CAMSAP2: variants seen among roughly 807,000 people sequenced by gnomAD.
CAMSAP2 encodes calmodulin regulated spectrin associated protein family member 2.
In CAMSAP2, 26 loss-of-function variants were observed where a neutral mutation model predicts 146.1. The observed-to-expected ratio is 0.18, with a 90% CI of 0.13 to 0.25. The LOEUF (loss-of-function observed/expected upper bound fraction) is 0.25, where lower values mean the gene tolerates loss of function less well. Among genes scored for constraint, CAMSAP2 ranks in the 10% least tolerant of loss-of-function variants. CAMSAP2 has a pLI of 1.00. For synonymous variants in CAMSAP2, 499 were observed against 596.6 expected, an observed-to-expected ratio of 0.84 and a Z score of 2.38; for missense variants, 1,381 against 1,759.3, an observed-to-expected ratio of 0.78 and a Z score of 3.85.
chr1:200,821,704 C>G (rs762518635), intron 4 of CAMSAP2, among the ~76,000 whole-genome samples: 3 of 152,144 alleles, frequency 2.0e-5, no homozygotes, highest in Non-Finnish European at 4.4e-5. Flanking sequence ...TTTTCTCTTT[C>G]ATAATAATTT....
chr1:200,811,754 T>C (rs1666337961), intron 3 of CAMSAP2, among the ~76,000 whole-genome samples: 1 of 152,188 alleles, frequency 6.6e-6, no homozygotes, highest in South Asian at 2.1e-4. Context: ...TCAAAACTCT[T>C]CAGTGACTTC....
intron 2 of CAMSAP2, among the ~76,000 whole-genome samples, chr1:200,763,854 T>TCA (rs1191593779): frequency 1.3e-4 from 20 of 152,044 alleles, no homozygotes; most frequent in Non-Finnish European, 1.9e-4. Flanking sequence ...GGAGGGTGGA[T>TCA]CATGAGGCTA....
At chr1:200,746,281 A>G (rs1664319729) in intron 1 of CAMSAP2, among the ~76,000 whole-genome samples, 1 of 152,238 alleles carries the variant, frequency 6.6e-6, no homozygotes, top group Non-Finnish European at 1.5e-5. Context: ...AGATGATGGC[A>G]TCTTGAATGT....
intron 6 of CAMSAP2, among the ~76,000 whole-genome samples, chr1:200,834,286 C>G (rs962079339): frequency 6.6e-6 from 1 of 151,918 alleles, no homozygotes; most frequent in Non-Finnish European, 1.5e-5. Flanking sequence ...TCACTTGAAC[C>G]TGGGAGGCAG....
intron 2 of CAMSAP2, among the ~76,000 whole-genome samples, chr1:200,769,151 G>A (rs1330893267): frequency 6.6e-6 from 1 of 152,076 alleles, no homozygotes; most frequent in Non-Finnish European, 1.5e-5. Context: ...TGAGAGCCTC[G>A]GGGTCTAGAT....
rs558016401 is a variant in CAMSAP2, at chr1:200,754,315, G to T, written c.140-6524G>T. On this transcript the variant is annotated intron_variant, in intron 1 of 16. Coordinates refer to ENST00000358823, the MANE Select transcript of CAMSAP2 (RefSeq NM_203459.4). Reference sequence around the variant, plus strand: ...TAAATCATATCAGGGGACACATAATGTTTGTTCCAGTATAGGTGATGTTAA... The same window carrying T: ...TAAATCATATCAGGGGACACATAATTTTTGTTCCAGTATAGGTGATGTTAA... 5.5e-4 allele frequency among the ~76,000 whole-genome samples: 84 copies of T among 152,252 alleles called. No homozygotes were observed. In the Middle Eastern group the frequency reaches 0.01, roughly 18 times the overall value.
At chr1:200,753,558 GT>G (rs796948546) in intron 1 of CAMSAP2, among the ~76,000 whole-genome samples, 9 of 152,180 alleles carry the variant, frequency 5.9e-5, no homozygotes, top group African/African-American at 2.2e-4. Context: ...CCTTACATGG[GT>G]GCTGGTATTG....
intron 9 of CAMSAP2, 151 bp from the exon 10 acceptor site, chr1:200,847,489 T>C: frequency 1.3e-6 from 1 of 764,366 alleles, no homozygotes; most frequent in Non-Finnish European, 2.1e-6. Context: ...CTGTGGTTGC[T>C]TTTCTTGATA....
intron 2 of CAMSAP2, among the ~76,000 whole-genome samples, chr1:200,780,719 T>C (rs537248483): frequency 4.9e-4 from 74 of 152,364 alleles, no homozygotes; most frequent in Admixed American, 1.1e-3. Context: ...AAGGTGTTAC[T>C]ACTTCTTACT....
At chr1:200,788,746 A>T (rs1179690855) in intron 2 of CAMSAP2, among the ~76,000 whole-genome samples, 1 of 150,920 alleles carries the variant, frequency 6.6e-6, no homozygotes, top group Non-Finnish European at 1.5e-5. Flanking sequence ...GGTTCAAGCA[A>T]TTCTCCTGCC....
At chr1:200,835,638 A>G (rs917648836) in intron 6 of CAMSAP2, among the ~76,000 whole-genome samples, 63 of 152,174 alleles carry the variant, frequency 4.1e-4, no homozygotes, top group African/African-American at 1.4e-3. Flanking sequence ...ATTTTTTTCT[A>G]ATTGATGTTG....
intron 2 of CAMSAP2, among the ~76,000 whole-genome samples, chr1:200,791,943 G>A (rs1328092851): frequency 6.6e-6 from 1 of 151,504 alleles, no homozygotes; most frequent in Non-Finnish European, 1.5e-5. Context: ...TCCACCCTGA[G>A]TGACAAAGCA....
chr1:200,770,850 G>T (rs1665096355), intron 2 of CAMSAP2, among the ~76,000 whole-genome samples: 1 of 152,142 alleles, frequency 6.6e-6, no homozygotes, highest in African/African-American at 2.4e-5. Flanking sequence ...TTACGGATGG[G>T]TTTATTTAGT....
chr1:200,854,717 A>T (rs548024873), intron 13 of CAMSAP2, 100 bp from the exon 14 acceptor site: 1 of 733,322 alleles, frequency 1.4e-6, no homozygotes, highest in African/African-American at 1.8e-5. Context: ...CAATTTTTAT[A>T]TGCTGGTGTT....
At chr1:200,780,733 C>T (rs558758969) in intron 2 of CAMSAP2, among the ~76,000 whole-genome samples, 1 of 152,322 alleles carries the variant, frequency 6.6e-6, no homozygotes, top group South Asian at 2.1e-4. Context: ...TCTTACTGTG[C>T]TGTTTGAGTA....
chr1:200,858,101 G>A lies in CAMSAP2; in HGVS notation c.*42G>A, dbSNP rs1227661941. On this transcript the variant is annotated 3_prime_UTR_variant, in exon 17 of 17. Coordinates refer to ENST00000358823, the MANE Select transcript of CAMSAP2 (RefSeq NM_203459.4). Reference sequence around the variant, plus strand: ...GCTTCAGAACATTCATGGTAAATTTGCACTTCATCTTTCCTGCCTATAGAA... The same window carrying A: ...GCTTCAGAACATTCATGGTAAATTTACACTTCATCTTTCCTGCCTATAGAA... 4 of 1,476,632 alleles carry A rather than the reference G, an allele frequency of 2.7e-6. No individual in the cohort carries two copies. The highest frequency in any genetic ancestry group is 3.6e-6 in the Non-Finnish European group (4 of 1,102,486). 91.5% of individuals were successfully genotyped at this position (1,476,632 alleles called of 1,614,324 possible). A position where few individuals can be genotyped will look rare whatever the true frequency, so the allele number is the denominator to read the frequency against.
chr1:200,752,270 C>T (rs963724959), intron 1 of CAMSAP2, among the ~76,000 whole-genome samples: 12 of 152,026 alleles, frequency 7.9e-5, no homozygotes, highest in Admixed American at 1.3e-4. Context: ...ACAGTTTCTT[C>T]AGGTAAATAT....
rs1361707692 is a variant in CAMSAP2 at position 200,807,378 on chromosome 1, T to C, written c.402T>C (p.Ser134=). ...RDLHKKPIQM[S]AHLAMIDTLM... ...TTGTTCTTGTTTTATATTTTCAGAG[T>C]GCACATTTGGCCATGATCGATACCC... Residue 134 remains serine (S), a splice_region_variant and synonymous_variant, in exon 3 of 17, where the codon AGT becomes AGC. Transcript: ENST00000358823. 1 of 1,517,138 alleles carries C rather than the reference T, an allele frequency of 6.6e-7. No homozygotes were observed. Among genetic ancestry groups the C allele is most frequent in the South Asian group, 1.4e-5 (1 of 73,530 alleles). The allele number at this position is 1,517,138 out of a possible 1,614,324, so 94.0% of individuals were successfully genotyped here. A position where few individuals can be genotyped will look rare whatever the true frequency, so the allele number is the denominator to read the frequency against.
chr1:200,819,501 C>T (rs1044812528), intron 4 of CAMSAP2, among the ~76,000 whole-genome samples: 3 of 152,158 alleles, frequency 2.0e-5, no homozygotes, highest in Middle Eastern at 3.2e-3. Flanking sequence ...AACATTCATT[C>T]TCTTGAAGAG....
Sources: allele counts gnomAD v4.1 joint callset (sites outside exome capture counted in the v4.1 genomes callset), GRCh38; gene constraint gnomAD v4.1.1; transcripts MANE v1.5; gene names NCBI Gene and HGNC (gene_info 2026-07-23, HGNC 2026-07-21).